VPS54: variants seen among roughly 807,000 people sequenced by gnomAD.
VPS54 encodes the protein vacuolar protein sorting-associated protein 54.
A neutral mutation model predicts 121.5 loss-of-function variants in VPS54; 45 were observed. That is an observed-to-expected ratio of 0.37 (90% CI 0.29 to 0.47). The LOEUF (loss-of-function observed/expected upper bound fraction) is 0.47. Among genes scored for constraint, VPS54 ranks in the 20% least tolerant of loss-of-function variants. The pLI is 0.99. For missense variants in VPS54, 1,090 were observed against 1,131.4 expected (o/e 0.96, Z 0.52); for synonymous variants, 371 against 385.8 (o/e 0.96, Z 0.45).
At chr2:63,907,525 A>G (rs1245519179) in intron 20 of VPS54, among the ~76,000 whole-genome samples, 1 of 151,650 alleles carries the variant, frequency 6.6e-6, no homozygotes, top group Non-Finnish European at 1.5e-5. Flanking sequence ...TCTCAAAAAA[A>G]AAAAAAAAAG....
chr2:63,983,702 A>T (rs573571250), intron 2 of VPS54, among the ~76,000 whole-genome samples, 162 bp downstream of exon 2: 2 of 152,116 alleles, frequency 1.3e-5, no homozygotes, highest in East Asian at 3.9e-4. Flanking sequence ...TCAGCCTCCC[A>T]AAGTGCTGGG....
intron 1 of VPS54, among the ~76,000 whole-genome samples, chr2:64,002,409 C>T (rs1355357419): frequency 6.6e-6 from 1 of 152,144 alleles, no homozygotes; most frequent in Non-Finnish European, 1.5e-5. Context: ...CCTTCTAGTC[C>T]ACCATCTTGC....
rs187943410 is a variant in VPS54, at chr2:63,959,092, T to C, written c.1010+2966A>G. 1.3e-3 allele frequency among the ~76,000 whole-genome samples: 193 copies of C among 152,302 alleles called. 1 individual carries two copies. The highest frequency in any genetic ancestry group is 4.4e-3 in the African/African-American group (182 of 41,574). On this transcript the variant is annotated intron_variant, in intron 7 of 22. Coordinates refer to ENST00000272322, the MANE Select transcript of VPS54 (RefSeq NM_016516.3). The stretch of plus-strand genomic sequence containing the variant: ...TGGATAAAAATCAATCTATAAAGCG[T>C]CCAAAACTAATTCTTATGCTTCTAA...
rs1675451230 is a variant in VPS54, at chr2:63,955,468, A to T, written c.1011-6305T>A. ...GAGGTCCATATGACTGTACCTACTG[A>T]TATTTGGGCATCAAAATAATAAAAC... On this transcript the variant is annotated intron_variant, in intron 7 of 22. Coordinates refer to ENST00000272322, the MANE Select transcript of VPS54 (RefSeq NM_016516.3). 3.9e-5 allele frequency among the ~76,000 whole-genome samples: 6 copies of T among 151,998 alleles called. 1 individual carries two copies. The South Asian group carries it at 1.2e-3, about 31-fold the overall frequency.
intron 1 of VPS54, among the ~76,000 whole-genome samples, chr2:63,989,076 C>T (rs1381885573): frequency 6.6e-6 from 1 of 152,130 alleles, no homozygotes; most frequent in Non-Finnish European, 1.5e-5. Flanking sequence ...ATGAAACACG[C>T]CCTAGTCTCC....
At chr2:63,976,801 T>C (rs578040708) in intron 3 of VPS54, among the ~76,000 whole-genome samples, 110 of 151,526 alleles carry the variant, frequency 7.3e-4, no homozygotes, top group South Asian at 1.9e-3. Flanking sequence ...CTTTCATTTT[T>C]GATACTAGTA....
chr2:63,987,313 G>C (rs914950457), intron 1 of VPS54, among the ~76,000 whole-genome samples: 13 of 152,168 alleles, frequency 8.5e-5, no homozygotes, highest in Admixed American at 7.2e-4. Context: ...TTATTGAAGA[G>C]ACTGTCCTTT....
At position 63,920,602 on chromosome 2, in the gene VPS54, G is replaced by C. The variant is rs1490035918; in HGVS notation, c.1895C>G (p.Ser632Cys). The change falls in exon 14 of 23, where the codon TCC becomes TGC. Residue 632 changes from serine to cysteine, a missense_variant. Physicochemically the swap from Ser to Cys is moderately radical, Grantham distance 112 (BLOSUM62 -1). Coordinates refer to ENST00000272322, the MANE Select transcript of VPS54 (RefSeq NM_016516.3). ...TCTAGAAAGTGTTATGAATTCCATG[G>C]AATTTAGCTTCTCAAGAAAACCATC... ...AKDGFLEKLN[S>C]MEFITLSRLM... 6.6e-7 allele frequency: 1 copy of C among 1,512,226 alleles called. No homozygotes were observed. 93.7% of individuals were successfully genotyped at this position (1,512,226 alleles called of 1,614,324 possible).
intron 1 of VPS54, among the ~76,000 whole-genome samples, chr2:64,013,692 CAT>C (rs955008677): frequency 1.4e-5 from 2 of 145,270 alleles, no homozygotes; most frequent in South Asian, 2.1e-4. Flanking sequence ...ATATATATCA[CAT>C]ATATAGAGAT....
At chr2:63,972,746 C>T (rs1341168491) in intron 3 of VPS54, among the ~76,000 whole-genome samples, 2 of 151,894 alleles carry the variant, frequency 1.3e-5, no homozygotes, top group African/African-American at 2.4e-5. Flanking sequence ...GGAGTAGTGG[C>T]GCACACCTGA....
chr2:63,967,323 A>G (rs541822869), intron 5 of VPS54, among the ~76,000 whole-genome samples: 1 of 152,290 alleles, frequency 6.6e-6, no homozygotes, highest in South Asian at 2.1e-4. Context: ...ATAAATATTT[A>G]CTGACTACTT....
At chr2:63,951,206 CTTT>C (rs71245641) in intron 7 of VPS54, among the ~76,000 whole-genome samples, 20 of 134,340 alleles carry the variant, frequency 1.5e-4, no homozygotes, top group Admixed American at 2.2e-4. Flanking sequence ...ACAAATTTCC[CTTT>C]TTTTTTTTTT....
At position 63,968,834 on chromosome 2, in the gene VPS54, C is replaced by T. The variant is rs530129777; in HGVS notation, c.492+123G>A. 297 of 744,858 alleles carry T rather than the reference C, an allele frequency of 4.0e-4. 1 individual carries two copies. In the East Asian group the frequency reaches 7.7e-3, roughly 19 times the overall value. The allele number at this position is 744,858 out of a possible 1,614,324, so 46.1% of individuals were successfully genotyped here. A position where few individuals can be genotyped will look rare whatever the true frequency, so the allele number is the denominator to read the frequency against. Reference sequence around the variant, plus strand: ...AAAGAAGAAAAGTGATGCAACACAGCCCCACAAGAGACAAAGTAGCCAAAG... The same window carrying T: ...AAAGAAGAAAAGTGATGCAACACAGTCCCACAAGAGACAAAGTAGCCAAAG... On this transcript the variant is annotated intron_variant, in intron 5 of 22. Coordinates refer to ENST00000272322, the MANE Select transcript of VPS54 (RefSeq NM_016516.3).
At chr2:63,976,159 T>A (rs901034038) in intron 3 of VPS54, among the ~76,000 whole-genome samples, 1 of 151,972 alleles carries the variant, frequency 6.6e-6, no homozygotes, top group South Asian at 2.1e-4. Context: ...CTGGACAACA[T>A]GGCAAAACCC....
intron 11 of VPS54, among the ~76,000 whole-genome samples, chr2:63,935,276 G>A (rs185037273): frequency 8.5e-4 from 129 of 152,214 alleles, no homozygotes; most frequent in African/African-American, 3.0e-3. Context: ...GGAACTGAAA[G>A]CATTTTAAAT....
chr2:63,927,666 C>T (rs1308917296), intron 12 of VPS54, among the ~76,000 whole-genome samples: 2 of 152,250 alleles, frequency 1.3e-5, no homozygotes, highest in African/African-American at 4.8e-5. Flanking sequence ...ATGAGTTAGA[C>T]GAGCTGACGG....
At chr2:63,993,393 T>C (rs13034625) in intron 1 of VPS54, among the ~76,000 whole-genome samples, 59,390 of 152,004 alleles carry the variant, frequency 0.39, 12,308 homozygotes, top group Non-Finnish European at 0.46. Context: ...ATTCAGACCA[T>C]CCAGTTATCT....
rs575281189 is a variant in VPS54 at position 63,959,298 on chromosome 2, A to T, written c.1010+2760T>A. ...AATGGGGTTATAATAACAAGTCTTA[A>T]ACTACTTCACGTATGATTCAGTATT... On this transcript the variant is annotated intron_variant, in intron 7 of 22. Coordinates refer to ENST00000272322, the MANE Select transcript of VPS54 (RefSeq NM_016516.3). Among the ~76,000 whole-genome samples, 3 of 152,362 alleles carry T rather than the reference A, an allele frequency of 2.0e-5. No individual in the cohort carries two copies. The East Asian group carries it at 5.8e-4, about 29-fold the overall frequency.
rs757978682 is a variant in VPS54, at chr2:63,920,583, A to C, written c.1914T>G (p.Leu638=). The C allele has an allele frequency of 1.3e-6, 2 of 1,551,938 alleles. No homozygotes were observed. The highest frequency in any genetic ancestry group is 2.8e-5 in the African/African-American group (2 of 71,322). Residue 638 remains leucine, a synonymous_variant, in exon 14 of 23, where the codon CTT becomes CTG. Coordinates refer to ENST00000272322, the MANE Select transcript of VPS54 (RefSeq NM_016516.3). ...AAATGAATGTTTCCATTAATCTAGA[A>C]AGTGTTATGAATTCCATGGAATTTA... ...EKLNSMEFIT[L]SRLMETFILD... is the part of the protein sequence containing the mutation.
Sources: gnomAD v4.1 joint callset for allele counts (sites outside exome capture counted in the v4.1 genomes callset) on GRCh38, gnomAD v4.1.1 for gene constraint, MANE v1.5 for transcripts, NCBI Gene and HGNC (gene_info 2026-07-23, HGNC 2026-07-21) for gene names.